Variants in NAALADL2 observed in about 807,000 individuals in gnomAD.
NAALADL2 encodes the protein inactive N-acetylated-alpha-linked acidic dipeptidase-like protein 2.
In NAALADL2, 76 loss-of-function variants were observed where a neutral mutation model predicts 87.2. The ratio of observed to expected loss-of-function variants is 0.87; its 90% CI spans 0.72 to 1.05. The LOEUF (loss-of-function observed/expected upper bound fraction) is 1.05, where lower values mean the gene tolerates loss of function less well. Among genes scored for constraint, NAALADL2 ranks in the 50% least tolerant of loss-of-function variants. The pLI, the probability that NAALADL2 is intolerant of heterozygous loss-of-function variation, is 0.00. For synonymous variants in NAALADL2, 354 were observed against 331.0 expected (o/e 1.07, Z -0.75); for missense variants, 1,089 against 945.8 (o/e 1.15, Z -1.99).
At chr3:174,460,074 A>G (rs1716113321) in intron 1 of NAALADL2, among the ~76,000 whole-genome samples, 1 of 152,190 alleles carries the variant, frequency 6.6e-6, no homozygotes, top group Admixed American at 6.5e-5. Context: ...GGATTATGAT[A>G]GAGTACATTA....
chr3:175,205,179 G>A (rs563924041), intron 2 of NAALADL2, among the ~76,000 whole-genome samples: 45 of 152,126 alleles, frequency 3.0e-4, no homozygotes, highest in South Asian at 2.1e-3. Context: ...AAATCTAGAG[G>A]CATCACACTA....
chr3:174,926,572 T>A (rs1316836997), intron 1 of NAALADL2, among the ~76,000 whole-genome samples: 1 of 152,008 alleles, frequency 6.6e-6, no homozygotes, highest in Non-Finnish European at 1.5e-5. Flanking sequence ...AAGAAAAGAA[T>A]TTTCAACCCA....
chr3:175,002,526 T>C (rs975191810), intron 1 of NAALADL2, among the ~76,000 whole-genome samples: 1 of 152,152 alleles, frequency 6.6e-6, no homozygotes, highest in African/African-American at 2.4e-5. Context: ...CACTTAATGA[T>C]ATGCTGGTCA....
At chr3:175,184,256 T>C (rs557249015) in intron 2 of NAALADL2, among the ~76,000 whole-genome samples, 3 of 152,236 alleles carry the variant, frequency 2.0e-5, no homozygotes, top group South Asian at 4.1e-4. Flanking sequence ...AATTCTCCTT[T>C]AGAGCCTCAG....
At chr3:175,470,607 T>C (rs925929128) in intron 8 of NAALADL2, among the ~76,000 whole-genome samples, 1 of 152,160 alleles carries the variant, frequency 6.6e-6, no homozygotes, top group African/African-American at 2.4e-5. Flanking sequence ...TCCCAAGTTA[T>C]GACATAATGT....
intron 1 of NAALADL2, among the ~76,000 whole-genome samples, chr3:174,481,511 A>T (rs1717549322): frequency 1.3e-5 from 2 of 152,096 alleles, no homozygotes; most frequent in African/African-American, 4.8e-5. Context: ...ATTCAAGTCT[A>T]CACAGCCAAA....
intron 3 of NAALADL2, among the ~76,000 whole-genome samples, chr3:174,806,390 G>T (rs1245137816): frequency 6.6e-6 from 1 of 152,158 alleles, no homozygotes; most frequent in Non-Finnish European, 1.5e-5. Flanking sequence ...TTGTAAGTCG[G>T]TCAATGGATG....
chr3:174,732,066 C>G (rs962446511), intron 2 of NAALADL2, among the ~76,000 whole-genome samples: 1 of 152,062 alleles, frequency 6.6e-6, no homozygotes, highest in South Asian at 2.1e-4. Context: ...GCTGATAGAC[C>G]ATAGTTTGCC....
intron 2 of NAALADL2, among the ~76,000 whole-genome samples, chr3:175,123,316 A>G (rs913833443): frequency 1.3e-5 from 2 of 151,934 alleles, no homozygotes; most frequent in Non-Finnish European, 2.9e-5. Flanking sequence ...GCAGTTCAGG[A>G]CATGTACGGA....
chr3:174,518,157 G>A (rs1373885273), intron 1 of NAALADL2, among the ~76,000 whole-genome samples: 1 of 152,040 alleles, frequency 6.6e-6, no homozygotes, highest in African/African-American at 2.4e-5. Context: ...ACATCTTCCT[G>A]TTACCTAGAG....
rs988961075 is a variant in NAALADL2 at position 174,698,592 on chromosome 3, C to T, written c.-114-39049C>T. The stretch of plus-strand genomic sequence containing the variant: ...ATTTTTAAAATTTCATGGCCGGGCG[C>T]GGTGGCTCACGCCTGTAATCCCAGC... On this transcript the variant is annotated intron_variant, in intron 2 of 3. Transcript: ENST00000434257. Among the ~76,000 whole-genome samples the T allele has an allele frequency of 3.3e-4, 32 of 95,704 alleles. 10 individuals carry two copies. In the East Asian group the frequency reaches 0.011, roughly 34 times the overall value. 62.8% of individuals were successfully genotyped at this position (95,704 alleles called of 152,430 possible).
chr3:174,476,284 G>C (rs1308058435), intron 1 of NAALADL2, among the ~76,000 whole-genome samples: 2 of 150,548 alleles, frequency 1.3e-5, no homozygotes, highest in African/African-American at 4.9e-5. Context: ...TTGACGGACA[G>C]AATTGTTATT....
intron 11 of NAALADL2, among the ~76,000 whole-genome samples, chr3:175,644,489 A>G (rs1252277891): frequency 6.6e-6 from 1 of 152,092 alleles, no homozygotes; most frequent in African/African-American, 2.4e-5. Flanking sequence ...AATCTAATTT[A>G]TTGAGATTTC....
rs1754458165 is a variant in NAALADL2, at chr3:175,803,748, A to G, written c.*545A>G. ...TGAAGTTTCTCTTCTTAACACAACT[A>G]GATGTAGTAATACACTGGTTATGAA... On this transcript the variant is annotated 3_prime_UTR_variant, in exon 14 of 14. Coordinates refer to ENST00000454872, the MANE Select transcript of NAALADL2 (RefSeq NM_207015.3). 1 of 152,508 alleles carries G rather than the reference A, an allele frequency of 6.6e-6. No homozygotes were observed. The highest frequency in any genetic ancestry group is 1.5e-5 in the Non-Finnish European group (1 of 67,998). The allele number at this position is 152,508 out of a possible 1,614,324, so 9.4% of individuals were successfully genotyped here.
intron 1 of NAALADL2, among the ~76,000 whole-genome samples, chr3:174,451,040 A>G (rs1715449328): frequency 6.6e-6 from 1 of 152,214 alleles, no homozygotes. Context: ...AATTTATTTT[A>G]ATGGTTATTC....
chr3:175,011,852 G>C (rs936924538), intron 1 of NAALADL2, among the ~76,000 whole-genome samples: 1 of 152,000 alleles, frequency 6.6e-6, no homozygotes, highest in East Asian at 1.9e-4. Flanking sequence ...TGTGAATCAG[G>C]GTGGGATTAT....
chr3:175,746,315 G>T lies in NAALADL2; in HGVS notation c.1991-8905G>T, dbSNP rs867951862. On this transcript the variant is annotated intron_variant, in intron 12 of 13. Transcript: ENST00000454872. ...TCAATTTTTAGGTGTCACTTGGTTT[G>T]TTTTTTTTTTTTTTTAATCAATTGC... 9.9e-3 allele frequency among the ~76,000 whole-genome samples: 1,220 copies of T among 123,092 alleles called. 26 individuals are homozygous for T. The highest frequency in any genetic ancestry group is 0.039 in the Admixed American group (492 of 12,588). The allele number at this position is 123,092 out of a possible 152,430, so 80.8% of individuals were successfully genotyped here. A position where few individuals can be genotyped will look rare whatever the true frequency, so the allele number is the denominator to read the frequency against.
At chr3:174,618,786 A>T (rs1210190941) in intron 2 of NAALADL2, among the ~76,000 whole-genome samples, 1 of 151,934 alleles carries the variant, frequency 6.6e-6, no homozygotes, top group Non-Finnish European at 1.5e-5. Context: ...CTACTTTAAG[A>T]CTTAATTTTA....
intron 2 of NAALADL2, among the ~76,000 whole-genome samples, chr3:174,689,238 G>T (rs73046384): frequency 0.038 from 5,745 of 151,834 alleles, 379 homozygotes; most frequent in African/African-American, 0.13. Context: ...ATTTTTCTAT[G>T]CTCAAAGCCT....
Sources: allele counts gnomAD v4.1 joint callset (sites outside exome capture counted in the v4.1 genomes callset), GRCh38; gene constraint gnomAD v4.1.1; transcripts MANE v1.5; gene names NCBI Gene and HGNC (gene_info 2026-07-23, HGNC 2026-07-21).